Variants in JAZF1 observed in about 807,000 individuals in gnomAD.
The protein encoded by JAZF1 is juxtaposed with another zinc finger protein 1.
A neutral mutation model predicts 26.4 loss-of-function variants in JAZF1; 8 were observed. The ratio of observed to expected loss-of-function variants is 0.30; its 90% CI spans 0.18 to 0.55. The LOEUF is 0.55. Ranked by LOEUF, JAZF1 falls within the 20% of genes least tolerant of loss-of-function variation. The pLI, the probability that JAZF1 is intolerant of heterozygous loss-of-function variation, is 0.94. For synonymous variants in JAZF1, 126 were observed against 122.3 expected (o/e 1.03, Z -0.20); for missense variants, 199 against 322.0 (o/e 0.62, Z 2.92).
At chr7:28,159,438 C>G (rs949076272) in intron 1 of JAZF1, among the ~76,000 whole-genome samples, 3 of 151,652 alleles carry the variant, frequency 2.0e-5, no homozygotes, top group East Asian at 3.9e-4. Flanking sequence ...AGAGGAGGAC[C>G]GTGAGTGGGT....
chr7:28,138,061 T>C (rs1055185402), intron 1 of JAZF1, among the ~76,000 whole-genome samples: 7 of 152,172 alleles, frequency 4.6e-5, no homozygotes, highest in Admixed American at 4.6e-4. Context: ...CTCTGTTCAA[T>C]GCTTCTCACA....
At chr7:27,962,663 C>A (rs1157218380) in intron 2 of JAZF1, among the ~76,000 whole-genome samples, 1 of 152,130 alleles carries the variant, frequency 6.6e-6, no homozygotes, top group African/African-American at 2.4e-5. Flanking sequence ...AAATTAATTA[C>A]CTTTAATGGC....
At chr7:27,984,793 A>C (rs1404239352) in intron 2 of JAZF1, among the ~76,000 whole-genome samples, 2 of 152,252 alleles carry the variant, frequency 1.3e-5, no homozygotes, top group African/African-American at 4.8e-5. Context: ...CTCAGGATTA[A>C]GAAACTCACT....
intron 3 of JAZF1, among the ~76,000 whole-genome samples, chr7:27,888,609 C>T (rs945561314): frequency 2.6e-5 from 4 of 152,022 alleles, no homozygotes; most frequent in African/African-American, 9.7e-5. Flanking sequence ...AAATAATTTG[C>T]TGTGTATTAA....
chr7:27,974,930 G>A (rs1785443262), intron 2 of JAZF1, among the ~76,000 whole-genome samples: 1 of 150,608 alleles, frequency 6.6e-6, no homozygotes, highest in South Asian at 2.1e-4. Flanking sequence ...CTGTCACCAG[G>A]CTGGAGTGCA....
intron 1 of JAZF1, among the ~76,000 whole-genome samples, chr7:28,062,350 G>A (rs1049425913): frequency 4.6e-5 from 7 of 152,196 alleles, no homozygotes; most frequent in African/African-American, 1.7e-4. Flanking sequence ...AATGGCTCCA[G>A]AGTACTGTGT....
At chr7:28,015,495 T>C (rs1489191051) in intron 1 of JAZF1, among the ~76,000 whole-genome samples, 1 of 152,176 alleles carries the variant, frequency 6.6e-6, no homozygotes, top group African/African-American at 2.4e-5. Context: ...TTTTCTAAAA[T>C]AAAAAGTTTG....
chr7:28,094,346 G>A (rs1784348017), intron 1 of JAZF1, among the ~76,000 whole-genome samples: 1 of 152,084 alleles, frequency 6.6e-6, no homozygotes, highest in African/African-American at 2.4e-5. Flanking sequence ...AAGGTCCCAC[G>A]GCTGGCAAGG....
At chr7:27,841,502 T>G (rs1269390073) in intron 3 of JAZF1, 1 of 152,320 alleles carries the variant, frequency 6.6e-6, no homozygotes, top group Non-Finnish European at 1.5e-5. Context: ...CGGCAGAATG[T>G]GGGGTAGCTC....
At chr7:28,093,469 A>C (rs1340824276) in intron 1 of JAZF1, among the ~76,000 whole-genome samples, 1 of 152,206 alleles carries the variant, frequency 6.6e-6, no homozygotes, top group African/African-American at 2.4e-5. Context: ...TGTCTTTATC[A>C]GCAGCGTTAT....
chr7:28,115,496 G>C (rs1158785843), intron 1 of JAZF1, among the ~76,000 whole-genome samples: 1 of 152,104 alleles, frequency 6.6e-6, no homozygotes, highest in Non-Finnish European at 1.5e-5. Flanking sequence ...AACCACTACA[G>C]CTAATACAAG....
intron 1 of JAZF1, among the ~76,000 whole-genome samples, chr7:28,100,434 T>C (rs1185426807): frequency 1.3e-5 from 2 of 151,950 alleles, no homozygotes; most frequent in East Asian, 3.9e-4. Context: ...CATATATATA[T>C]AATAATAACA....
intron 3 of JAZF1, among the ~76,000 whole-genome samples, chr7:27,859,556 C>G (rs1164856081): frequency 2.0e-5 from 3 of 152,202 alleles, no homozygotes; most frequent in Non-Finnish European, 4.4e-5. Context: ...AGGATGAGGT[C>G]ATGTCCTTTG....
chr7:27,993,720 G>A (rs1316039372), intron 1 of JAZF1, among the ~76,000 whole-genome samples: 1 of 152,114 alleles, frequency 6.6e-6, no homozygotes, highest in Admixed American at 6.5e-5. Context: ...AAGGAGGAAG[G>A]TAAGAAAGAA....
intron 1 of JAZF1, among the ~76,000 whole-genome samples, chr7:28,096,438 A>G (rs968709481): frequency 1.3e-5 from 2 of 152,274 alleles, no homozygotes; most frequent in Admixed American, 1.3e-4. Context: ...CCTTACAGAC[A>G]TAATGAAAAT....
At chr7:28,144,443 C>G (rs994658848) in intron 1 of JAZF1, among the ~76,000 whole-genome samples, 1 of 152,176 alleles carries the variant, frequency 6.6e-6, no homozygotes, top group Non-Finnish European at 1.5e-5. Flanking sequence ...TTTCCAAGGT[C>G]CTGAGAGGCA....
chr7:28,096,319 A>G (rs1400246319), intron 1 of JAZF1, among the ~76,000 whole-genome samples: 1 of 152,252 alleles, frequency 6.6e-6, no homozygotes, highest in African/African-American at 2.4e-5. Flanking sequence ...ATAAAGCACA[A>G]TAAGCTATGA....
At chr7:28,001,353 A>G (rs1048237492) in intron 1 of JAZF1, among the ~76,000 whole-genome samples, 1 of 151,054 alleles carries the variant, frequency 6.6e-6, no homozygotes, top group Non-Finnish European at 1.5e-5. Flanking sequence ...CCCTGTCTCA[A>G]AAAAAACAAA....
chr7:28,080,995 G>A (rs11979376), intron 1 of JAZF1, among the ~76,000 whole-genome samples: 1 of 151,978 alleles, frequency 6.6e-6, no homozygotes, highest in Non-Finnish European at 1.5e-5. Context: ...GTGCCTGTAG[G>A]GGGGAAGGGA....
Sources: gnomAD v4.1 joint callset for allele counts (sites outside exome capture counted in the v4.1 genomes callset) on GRCh38, gnomAD v4.1.1 for gene constraint, MANE v1.5 for transcripts, NCBI Gene and HGNC (gene_info 2026-07-23, HGNC 2026-07-21) for gene names.